Variants in RNF130 observed in about 807,000 individuals in gnomAD.
RNF130 encodes ring finger protein 130.
A neutral mutation model predicts 44.6 loss-of-function variants in RNF130; 21 were observed. That is an observed-to-expected ratio of 0.47 (90% CI 0.33 to 0.68). RNF130 has a LOEUF of 0.68. Ranked by LOEUF, RNF130 falls within the 30% of genes least tolerant of loss-of-function variation. The pLI is 0.02. For synonymous variants in RNF130, 214 were observed against 210.4 expected (o/e 1.02, Z -0.15); for missense variants, 479 against 560.6 (o/e 0.85, Z 1.47).
chr5:180,032,978 A>AT (rs748809010), intron 2 of RNF130, among the ~76,000 whole-genome samples: 167 of 145,380 alleles, frequency 1.1e-3, no homozygotes, highest in African/African-American at 1.5e-3. Context: ...ATTTATCCAG[A>AT]TTTTTTTTTT....
chr5:179,962,873 T>C (rs1762366156), intron 8 of RNF130, among the ~76,000 whole-genome samples: 1 of 152,216 alleles, frequency 6.6e-6, no homozygotes, highest in Non-Finnish European at 1.5e-5. Flanking sequence ...TCCTTCCTTT[T>C]ACCGACGTGA....
chr5:179,990,758 ACT>A (rs1763063723), intron 3 of RNF130, among the ~76,000 whole-genome samples: 1 of 152,108 alleles, frequency 6.6e-6, no homozygotes, highest in Admixed American at 6.5e-5. Context: ...GAGGGCTCAC[ACT>A]CTTGTCTTCT....
At chr5:179,956,788 C>T (rs1468154175) in intron 8 of RNF130, among the ~76,000 whole-genome samples, 1 of 152,228 alleles carries the variant, frequency 6.6e-6, no homozygotes, top group Non-Finnish European at 1.5e-5. Context: ...CACATCAGTA[C>T]GCACATGAGG....
chr5:179,958,400 TG>T (rs940895683), intron 8 of RNF130, among the ~76,000 whole-genome samples: 8 of 152,200 alleles, frequency 5.3e-5, no homozygotes, highest in African/African-American at 1.9e-4. Flanking sequence ...AGTAGGAAGA[TG>T]GTTTTTAGAA....
intron 7 of RNF130, among the ~76,000 whole-genome samples, chr5:179,925,487 G>T (rs1473859562): frequency 2.0e-5 from 3 of 152,120 alleles, no homozygotes; most frequent in Non-Finnish European, 4.4e-5. Flanking sequence ...GAGAAGCATG[G>T]CTGGGTTTCT....
At chr5:179,996,604 TG>T (rs1326828791) in intron 3 of RNF130, among the ~76,000 whole-genome samples, 2 of 152,272 alleles carry the variant, frequency 1.3e-5, no homozygotes, top group Admixed American at 6.5e-5. Flanking sequence ...GTTGATGTGA[TG>T]CATCGCATTT....
At chr5:180,018,050 C>A (rs1339132758) in intron 2 of RNF130, among the ~76,000 whole-genome samples, 3 of 152,156 alleles carry the variant, frequency 2.0e-5, no homozygotes, top group Non-Finnish European at 4.4e-5. Flanking sequence ...AATCTCAGCA[C>A]TTTGGGAGAT....
intron 3 of RNF130, among the ~76,000 whole-genome samples, chr5:180,004,725 G>A (rs541298528): frequency 1.3e-5 from 2 of 152,346 alleles, no homozygotes; most frequent in South Asian, 2.1e-4. Flanking sequence ...AGAGTATATT[G>A]AGGATAGGTC....
In RNF130 at chr5:179,977,544, G is replaced by C. The variant is rs899508706; in HGVS notation, c.848+659C>G. Among the ~76,000 whole-genome samples the C allele has an allele frequency of 6.6e-6, 1 of 152,208 alleles. No individual in the cohort carries two copies. Among genetic ancestry groups the C allele is most frequent in the African/African-American group, 2.4e-5 (1 of 41,464 alleles). Reference sequence around the variant, plus strand: ...TTCATGTTCAGCTGTGCGCAACATAGTGAGAACCCCATCTTTAAAGAAAAC... The same window carrying C: ...TTCATGTTCAGCTGTGCGCAACATACTGAGAACCCCATCTTTAAAGAAAAC... On this transcript the variant is annotated intron_variant, in intron 5 of 8. Coordinates refer to ENST00000521389, the MANE Select transcript of RNF130 (RefSeq NM_018434.6). The surrounding 1 kb of genome is among the most constrained non-coding windows in gnomAD (Gnocchi z 4.1).
At chr5:180,052,311 T>A (rs1031643093) in intron 1 of RNF130, among the ~76,000 whole-genome samples, 1 of 152,222 alleles carries the variant, frequency 6.6e-6, no homozygotes, top group Non-Finnish European at 1.5e-5. Flanking sequence ...TAGCTTCCTC[T>A]CACATGTGAC....
intron 7 of RNF130, among the ~76,000 whole-genome samples, chr5:179,938,734 A>G (rs1336678888): frequency 1.3e-5 from 2 of 152,210 alleles, no homozygotes; most frequent in African/African-American, 4.8e-5. Flanking sequence ...CCAGAAATAT[A>G]TTATCATTAT....
chr5:179,944,030 G>A (rs981241015), intron 7 of RNF130, among the ~76,000 whole-genome samples: 7 of 150,616 alleles, frequency 4.6e-5, no homozygotes, highest in Non-Finnish European at 7.4e-5. Context: ...GGAGTGCAAC[G>A]GCGCGATCTT....
At chr5:180,034,144 T>G (rs918300193) in intron 2 of RNF130, among the ~76,000 whole-genome samples, 1 of 152,128 alleles carries the variant, frequency 6.6e-6, no homozygotes, top group Non-Finnish European at 1.5e-5. Context: ...AAATGCTTTT[T>G]CTGCACCTAC....
At chr5:179,998,955 TG>T (rs1362485473) in intron 3 of RNF130, among the ~76,000 whole-genome samples, 2 of 148,528 alleles carry the variant, frequency 1.3e-5, no homozygotes, top group Non-Finnish European at 3.0e-5. Context: ...CTTGCTGAAC[TG>T]ATCTCTTTAT....
chr5:180,053,825 C>A (rs12655422), intron 1 of RNF130, among the ~76,000 whole-genome samples: 18 of 133,182 alleles, frequency 1.4e-4, no homozygotes, highest in Non-Finnish European at 2.1e-4. Flanking sequence ...CAAATACATT[C>A]TTTTTTTTTT....
intron 3 of RNF130, among the ~76,000 whole-genome samples, chr5:180,005,961 C>G (rs1304505542): frequency 1.3e-5 from 2 of 152,140 alleles, no homozygotes; most frequent in African/African-American, 4.8e-5. Flanking sequence ...AAAATCAGAT[C>G]TTAAGCCCCT....
chr5:180,056,912 C>T (rs905845597), intron 1 of RNF130, among the ~76,000 whole-genome samples: 1 of 152,204 alleles, frequency 6.6e-6, no homozygotes, highest in African/African-American at 2.4e-5. Context: ...AAACTAGTCA[C>T]AAGAAGGCAT....
At chr5:180,031,089 C>T (rs545783693) in intron 2 of RNF130, among the ~76,000 whole-genome samples, 4 of 152,212 alleles carry the variant, frequency 2.6e-5, no homozygotes, top group Non-Finnish European at 5.9e-5. Flanking sequence ...TTATGATTTC[C>T]TTAATAACAT....
exon 8 of RNF130, chr5:179,919,146 T>A (rs1238055382): frequency 6.6e-6 from 1 of 152,162 alleles, no homozygotes; most frequent in Non-Finnish European, 1.5e-5. Flanking sequence ...GGTGTGCAGA[T>A]TAGTTTTATA....
Sources: allele counts gnomAD v4.1 joint callset (sites outside exome capture counted in the v4.1 genomes callset), GRCh38; gene constraint gnomAD v4.1.1; non-coding constraint Gnocchi (gnomAD v3.1); transcripts MANE v1.5; gene names NCBI Gene and HGNC (gene_info 2026-07-23, HGNC 2026-07-21).